Variants in SCN9A observed in about 807,000 individuals in gnomAD.
SCN9A encodes the protein sodium channel protein type 9 subunit alpha.
In SCN9A, 131 loss-of-function variants were observed where a neutral mutation model predicts 187.0. That is an observed-to-expected ratio of 0.70 (90% CI 0.61 to 0.81). The LOEUF is 0.81. SCN9A is among the 30% of genes least tolerant of loss of function. The probability of loss-of-function intolerance (pLI) is 0.00; values close to 1 mark genes in which losing one functional copy is unlikely to be tolerated. For missense variants in SCN9A, 2,252 were observed against 2,396.6 expected (o/e 0.94, Z 1.26); for synonymous variants, 809 against 808.6 (o/e 1.00, Z -0.01).
chr2:166,312,268 A>G (rs186060853), intron 1 of SCN9A, among the ~76,000 whole-genome samples: 25 of 152,284 alleles, frequency 1.6e-4, no homozygotes, highest in African/African-American at 5.3e-4. Context: ...CTTGACCAGG[A>G]GAAGATTCCA....
rs1258137113 is a variant in SCN9A, at chr2:166,197,777, CTATT to C, written c.*891_*894del. 2 of 152,108 alleles carry C rather than the reference CTATT, an allele frequency of 1.3e-5. No homozygotes were observed. The highest frequency in any genetic ancestry group is 2.9e-5 in the Non-Finnish European group (2 of 67,996). 9.4% of individuals were successfully genotyped at this position (152,108 alleles called of 1,614,324 possible). A position where few individuals can be genotyped will look rare whatever the true frequency, so the allele number is the denominator to read the frequency against. ...AAATTTGACAAAAGAGTTTAAGAGA[CTATT>C]ATCAGTATTTTGGGCAGCACAGTCA... On this transcript the variant is annotated 3_prime_UTR_variant, in exon 27 of 27. Coordinates refer to ENST00000642356, the MANE Select transcript of SCN9A (RefSeq NM_001365536.1).
intron 24 of SCN9A, among the ~76,000 whole-genome samples, 155 bp downstream of exon 24, chr2:166,226,412 T>G (rs1262272542): frequency 6.6e-6 from 1 of 152,158 alleles, no homozygotes; most frequent in Non-Finnish European, 1.5e-5. Flanking sequence ...AGATTAAGCA[T>G]ATTTGTAATT....
intron 2 of SCN9A, among the ~76,000 whole-genome samples, chr2:166,309,076 G>A (rs537898453): frequency 6.6e-6 from 1 of 151,864 alleles, no homozygotes; most frequent in Non-Finnish European, 1.5e-5. Context: ...ACTAATATAA[G>A]GCAAGATGTG....
At chr2:166,316,999 A>G (rs1270290743) in intron 1 of SCN9A, among the ~76,000 whole-genome samples, 1 of 152,124 alleles carries the variant, frequency 6.6e-6, no homozygotes. Flanking sequence ...AATGAATTAA[A>G]TGAATTATAA....
At chr2:166,342,727 CTA>C (rs1411958886) in intron 1 of SCN9A, among the ~76,000 whole-genome samples, 1 of 152,018 alleles carries the variant, frequency 6.6e-6, no homozygotes, top group Non-Finnish European at 1.5e-5. Context: ...AAAATTGAAA[CTA>C]TTTTTTATTT....
intron 17 of SCN9A, among the ~76,000 whole-genome samples, chr2:166,268,146 T>C (rs1212786697): frequency 6.6e-6 from 1 of 152,018 alleles, no homozygotes; most frequent in East Asian, 1.9e-4. Context: ...TGTCTAATTA[T>C]TTATGAGAAT....
At chr2:166,353,279 T>C (rs1700083096) in intron 1 of SCN9A, among the ~76,000 whole-genome samples, 1 of 151,886 alleles carries the variant, frequency 6.6e-6, no homozygotes, top group East Asian at 1.9e-4. Flanking sequence ...TTAAAACATT[T>C]AGTTGCCTAA....
intron 19 of SCN9A, among the ~76,000 whole-genome samples, chr2:166,241,831 G>A (rs1242211497): frequency 7.2e-5 from 11 of 152,112 alleles, no homozygotes; most frequent in South Asian, 4.2e-4. Context: ...ATTTATCTTT[G>A]CATTGTGAAA....
chr2:166,364,394 A>T (rs1700364559), intron 1 of SCN9A, among the ~76,000 whole-genome samples: 1 of 152,210 alleles, frequency 6.6e-6, no homozygotes, highest in Non-Finnish European at 1.5e-5. Context: ...TCATAGCAGC[A>T]CTAATCACAG....
chr2:166,303,895 T>G, intron 6 of SCN9A: 2 of 931,068 alleles, frequency 2.1e-6, no homozygotes, highest in Non-Finnish European at 3.3e-6. Flanking sequence ...TTGATTAAAC[T>G]CAAAGGTTGA....
At chr2:166,225,477 T>C (rs951262783) in intron 24 of SCN9A, among the ~76,000 whole-genome samples, 2 of 152,160 alleles carry the variant, frequency 1.3e-5, no homozygotes, top group Non-Finnish European at 2.9e-5. Context: ...TACTACTGAC[T>C]CTATCTAACC....
chr2:166,344,484 T>G (rs987309596), intron 1 of SCN9A, among the ~76,000 whole-genome samples: 1 of 152,078 alleles, frequency 6.6e-6, no homozygotes, highest in African/African-American at 2.4e-5. Flanking sequence ...GCTTAGAAAA[T>G]AGTCCTTCAA....
intron 24 of SCN9A, among the ~76,000 whole-genome samples, chr2:166,216,893 T>C (rs938308188): frequency 6.6e-6 from 1 of 151,952 alleles, no homozygotes; most frequent in African/African-American, 2.4e-5. Context: ...TCCTAACATT[T>C]GAATAAAATA....
intron 1 of SCN9A, among the ~76,000 whole-genome samples, chr2:166,342,405 C>T (rs1699807738): frequency 1.3e-5 from 2 of 152,118 alleles, no homozygotes; most frequent in South Asian, 4.1e-4. Context: ...AGCTTTCCTG[C>T]CTTTCCTTAA....
At chr2:166,283,157 A>T (rs990982388) in intron 12 of SCN9A, among the ~76,000 whole-genome samples, 1 of 152,194 alleles carries the variant, frequency 6.6e-6, no homozygotes, top group Non-Finnish European at 1.5e-5. Context: ...TCCTAATCTG[A>T]TATAAATTAT....
chr2:166,313,124 A>G (rs1699019567), intron 1 of SCN9A, among the ~76,000 whole-genome samples: 1 of 150,178 alleles, frequency 6.7e-6, no homozygotes, highest in East Asian at 1.9e-4. Context: ...TAAATAATAT[A>G]ATTATTATGT....
At chr2:166,210,324 G>T (rs1046609609) in intron 24 of SCN9A, among the ~76,000 whole-genome samples, 1 of 151,840 alleles carries the variant, frequency 6.6e-6, no homozygotes, top group East Asian at 1.9e-4. Context: ...GGGGAGGAGG[G>T]GGATATACCT....
intron 1 of SCN9A, among the ~76,000 whole-genome samples, chr2:166,370,747 A>G (rs1484895975): frequency 6.6e-6 from 1 of 151,952 alleles, no homozygotes. Context: ...GTTTGACCTA[A>G]AAGTGGAGTA....
In SCN9A at chr2:166,277,214, A is replaced by G; in HGVS notation, c.2643T>C (p.Ala881=). The G allele has an allele frequency of 6.2e-7, 1 of 1,614,138 alleles. No homozygotes were observed. The highest frequency in any genetic ancestry group is 8.5e-7 in the Non-Finnish European group (1 of 1,179,996). Residue 881 remains alanine (A), a synonymous_variant, in exon 16 of 27, where the codon GCT becomes GCC. Coordinates refer to ENST00000642356, the MANE Select transcript of SCN9A (RefSeq NM_001365536.1). ...LVLAIIVFIF[A]VVGMQLFGKS... is the part of the protein sequence containing the mutation. ...TACCAAAGAGCTGCATGCCGACCAC[A>G]GCAAAAATGAAGACGATGATGGCCA...
Sources: allele counts gnomAD v4.1 joint callset (sites outside exome capture counted in the v4.1 genomes callset), GRCh38; gene constraint gnomAD v4.1.1; transcripts MANE v1.5; gene names NCBI Gene and HGNC (gene_info 2026-07-23, HGNC 2026-07-21).